The following MID1 variants were observed in gnomAD, a reference collection of about 807,000 sequenced individuals.
MID1 encodes the protein E3 ubiquitin-protein ligase Midline-1.
MID1 carries 7 observed loss-of-function variants against 40.4 expected under a neutral mutation model. The ratio of observed to expected loss-of-function variants is 0.17; its 90% CI spans 0.10 to 0.33. The LOEUF (loss-of-function observed/expected upper bound fraction) is 0.33, where lower values mean the gene tolerates loss of function less well. Among genes scored for constraint, MID1 ranks in the 10% least tolerant of loss-of-function variants. The pLI is 1.00. For missense variants in MID1, 367 were observed against 558.5 expected (o/e 0.66, Z 3.46); for synonymous variants, 229 against 221.2 (o/e 1.04, Z -0.31).
chrX:10,808,041 G>T (rs1449941980), intron 1 of MID1, among the ~76,000 whole-genome samples: 1 of 112,661 alleles, frequency 8.9e-6, no homozygotes, highest in African/African-American at 3.2e-5. Context: ...GCATGTAGAA[G>T]AAATGCTTAT....
intron 1 of MID1, among the ~76,000 whole-genome samples, chrX:10,772,405 CA>C (rs1468295981): frequency 2.8e-5 from 3 of 109,055 alleles, no homozygotes; most frequent in African/African-American, 1.0e-4. Flanking sequence ...TTTGGGGACT[CA>C]GGGGGAAAGG....
intron 2 of MID1, among the ~76,000 whole-genome samples, chrX:10,524,815 G>T (rs1168978792): frequency 5.4e-5 from 6 of 112,125 alleles, no homozygotes; most frequent in Non-Finnish European, 1.1e-4. Context: ...ATGTCCAGGG[G>T]TTTTTTGTTG....
intron 1 of MID1, among the ~76,000 whole-genome samples, chrX:10,569,514 T>C (rs1934664746): frequency 8.9e-6 from 1 of 112,310 alleles, no homozygotes; most frequent in Admixed American, 9.4e-5. Flanking sequence ...TGGTTAATCA[T>C]AGAAAAAATG....
chrX:10,782,041 G>GTCCACA (rs1396012972), intron 1 of MID1, among the ~76,000 whole-genome samples: 5 of 111,931 alleles, frequency 4.5e-5, no homozygotes, highest in Non-Finnish European at 9.4e-5. Context: ...TGAAACACGA[G>GTCCACA]TCCACACAGA....
intron 1 of MID1, among the ~76,000 whole-genome samples, chrX:10,633,172 T>C (rs1162283961): frequency 8.9e-6 from 1 of 111,990 alleles, no homozygotes; most frequent in Non-Finnish European, 1.9e-5. Flanking sequence ...AAGCAGAACA[T>C]ACATTTCCCT....
intron 1 of MID1, among the ~76,000 whole-genome samples, chrX:10,706,684 T>A (rs779506132): frequency 9.0e-6 from 1 of 111,310 alleles, no homozygotes; most frequent in Non-Finnish European, 1.9e-5. Context: ...AATTACCCCA[T>A]CTTGGGTATG....
At chrX:10,626,844 C>T (rs1170395453) in intron 1 of MID1, among the ~76,000 whole-genome samples, 6 of 111,738 alleles carry the variant, frequency 5.4e-5, no homozygotes, top group Admixed American at 9.5e-5. Context: ...ATTCCTGACA[C>T]CATTATATTG....
intron 5 of MID1, among the ~76,000 whole-genome samples, chrX:10,481,847 T>C (rs1252562670): frequency 2.7e-5 from 3 of 112,530 alleles, no homozygotes; most frequent in Non-Finnish European, 5.6e-5. Flanking sequence ...AAAATACTTA[T>C]CTTTGCCAGT....
chrX:10,656,306 C>T, intron 1 of MID1, among the ~76,000 whole-genome samples: 1 of 111,951 alleles, frequency 8.9e-6, no homozygotes, highest in South Asian at 3.7e-4. Flanking sequence ...AAAGACACTA[C>T]CGTTTGTGGA....
At chrX:10,553,657 G>A (rs1306189152) in intron 2 of MID1, among the ~76,000 whole-genome samples, 1 of 112,246 alleles carries the variant, frequency 8.9e-6, no homozygotes, top group Admixed American at 9.4e-5. Flanking sequence ...ATTCATTTAT[G>A]TTAACACTTA....
intron 1 of MID1, among the ~76,000 whole-genome samples, chrX:10,647,550 C>A (rs1052652570): frequency 6.3e-5 from 7 of 111,077 alleles, no homozygotes; most frequent in African/African-American, 2.3e-4. Context: ...AATAAAAAAC[C>A]CTGAAAAAAT....
At chrX:10,529,850 A>G (rs1932912953) in intron 2 of MID1, among the ~76,000 whole-genome samples, 1 of 112,399 alleles carries the variant, frequency 8.9e-6, no homozygotes, top group Non-Finnish European at 1.9e-5. Context: ...ATGCAATGAT[A>G]TTTCCAATTA....
At chrX:10,764,505 T>C (rs1335740176) in intron 1 of MID1, among the ~76,000 whole-genome samples, 2 of 112,094 alleles carry the variant, frequency 1.8e-5, no homozygotes, top group Non-Finnish European at 3.8e-5. Flanking sequence ...AATATGTTCC[T>C]AATATAATAT....
At chrX:10,688,534 A>G (rs1284651274) in intron 1 of MID1, among the ~76,000 whole-genome samples, 1 of 112,014 alleles carries the variant, frequency 8.9e-6, no homozygotes, top group Admixed American at 9.5e-5. Context: ...CCATCCTTCC[A>G]TATTTAGTGA....
chrX:10,547,024 T>C (rs986567338), intron 2 of MID1, among the ~76,000 whole-genome samples: 1 of 112,240 alleles, frequency 8.9e-6, no homozygotes, highest in South Asian at 3.7e-4. Flanking sequence ...GGTGCAGTGG[T>C]TCACGCCTAT....
At chrX:10,506,135 AGATT>A in intron 3 of MID1, 1 of 859,887 alleles carries the variant, frequency 1.2e-6, no homozygotes, top group East Asian at 6.3e-5. Context: ...AGAAGTGAGT[AGATT>A]GATTTTTAAA....
At chrX:10,692,416 C>A (rs558329544) in intron 1 of MID1, among the ~76,000 whole-genome samples, 3 of 111,297 alleles carry the variant, frequency 2.7e-5, no homozygotes, top group East Asian at 2.8e-4. Context: ...CCGATAGAGA[C>A]CAGCCTGGCC....
intron 1 of MID1, among the ~76,000 whole-genome samples, chrX:10,796,876 C>T (rs1234795823): frequency 9.0e-6 from 1 of 111,186 alleles, no homozygotes; most frequent in Non-Finnish European, 1.9e-5. Context: ...GGCAGGTTGA[C>T]ATTACGAACT....
At chrX:10,686,169 T>C (rs2043096445) in intron 1 of MID1, among the ~76,000 whole-genome samples, 1 of 111,504 alleles carries the variant, frequency 9.0e-6, no homozygotes, top group African/African-American at 3.3e-5. Context: ...TCAGAGTCTG[T>C]GATCTTGAGA....
Sources: gnomAD v4.1 joint callset for allele counts (sites outside exome capture counted in the v4.1 genomes callset) on GRCh38, gnomAD v4.1.1 for gene constraint, MANE v1.5 for transcripts, NCBI Gene and HGNC (gene_info 2026-07-23, HGNC 2026-07-21) for gene names.